ARB2A: variants seen among roughly 807,000 people sequenced by gnomAD.
The protein encoded by ARB2A is cotranscriptional regulator ARB2A.
the ARB2A span, among the ~76,000 whole-genome samples, chr5:94,024,171 T>C: frequency 6.6e-6 from 1 of 152,190 alleles, no homozygotes; most frequent in Non-Finnish European, 1.5e-5. Flanking sequence ...CTATTTTGGA[T>C]GTTTCTGTGA....
At chr5:93,696,722 C>T in the ARB2A span, among the ~76,000 whole-genome samples, 1 of 152,062 alleles carries the variant, frequency 6.6e-6, no homozygotes, top group East Asian at 1.9e-4. Context: ...ACCACAATGC[C>T]TGCCACATTC....
chr5:94,042,984 A>G, the ARB2A span, among the ~76,000 whole-genome samples: 182 of 152,118 alleles, frequency 1.2e-3, 1 homozygote, highest in Non-Finnish European at 2.2e-3. Context: ...TTCTTTGTCA[A>G]TCGTGTTTTT....
the ARB2A span, among the ~76,000 whole-genome samples, chr5:93,901,284 T>C: frequency 6.6e-6 from 1 of 152,118 alleles, no homozygotes; most frequent in Non-Finnish European, 1.5e-5. Flanking sequence ...AATGGCAAGA[T>C]TGAATCTACA....
At chr5:93,799,151 A>G in the ARB2A span, among the ~76,000 whole-genome samples, 1 of 152,254 alleles carries the variant, frequency 6.6e-6, no homozygotes, top group African/African-American at 2.4e-5. Context: ...TATGTTTTTT[A>G]GAGAACACTT....
chr5:94,055,274 T>C, the ARB2A span, among the ~76,000 whole-genome samples: 2 of 152,186 alleles, frequency 1.3e-5, no homozygotes, highest in Non-Finnish European at 2.9e-5. Context: ...ACAAACACTC[T>C]TAGAATATGT....
the ARB2A span, among the ~76,000 whole-genome samples, chr5:94,001,432 T>C: frequency 6.6e-6 from 1 of 152,184 alleles, no homozygotes. Context: ...TTCTCTCTCT[T>C]CCGTCTGTTT....
At chr5:93,845,025 G>A in the ARB2A span, among the ~76,000 whole-genome samples, 1 of 152,168 alleles carries the variant, frequency 6.6e-6, no homozygotes, top group East Asian at 1.9e-4. Flanking sequence ...ATACAGAGCA[G>A]AAAACTCCCT....
the ARB2A span, among the ~76,000 whole-genome samples, chr5:93,775,459 GTCACTC>G: frequency 2.0e-5 from 3 of 152,184 alleles, no homozygotes; most frequent in African/African-American, 7.2e-5. Context: ...GCTAACAAAT[GTCACTC>G]TCTCTTCTTA....
chr5:94,052,589 T>G, the ARB2A span, among the ~76,000 whole-genome samples: 2 of 152,180 alleles, frequency 1.3e-5, no homozygotes, highest in Non-Finnish European at 2.9e-5. Context: ...GATTCTCTGT[T>G]CCAGAAACAT....
chr5:93,897,743 G>A, the ARB2A span, among the ~76,000 whole-genome samples: 14 of 151,846 alleles, frequency 9.2e-5, no homozygotes, highest in African/African-American at 3.4e-4. Context: ...ATTTGGGGGA[G>A]AGACTACTTG....
chr5:93,767,724 T>C, the ARB2A span, among the ~76,000 whole-genome samples: 2 of 151,876 alleles, frequency 1.3e-5, no homozygotes, highest in Non-Finnish European at 2.9e-5. Flanking sequence ...GCCGGGCACG[T>C]TGGCTCACGT....
the ARB2A span, among the ~76,000 whole-genome samples, chr5:93,780,167 G>C: frequency 6.6e-6 from 1 of 152,138 alleles, no homozygotes; most frequent in Non-Finnish European, 1.5e-5. Context: ...AATGTGAAAG[G>C]TTTTGTGTCC....
At chr5:93,877,965 C>A in the ARB2A span, among the ~76,000 whole-genome samples, 1 of 151,996 alleles carries the variant, frequency 6.6e-6, no homozygotes, top group Non-Finnish European at 1.5e-5. Context: ...CCATTTTCAT[C>A]CATAATTTTA....
chr5:93,641,863 G>A, the ARB2A span, among the ~76,000 whole-genome samples: 1 of 152,094 alleles, frequency 6.6e-6, no homozygotes, highest in South Asian at 2.1e-4. Flanking sequence ...ATACATTATA[G>A]TAGGAAAAAA....
the ARB2A span, among the ~76,000 whole-genome samples, chr5:94,088,506 C>T: frequency 1.3e-5 from 2 of 151,992 alleles, no homozygotes; most frequent in Non-Finnish European, 2.9e-5. Context: ...CATAGCAAGA[C>T]GGTATCTCTA....
At chr5:93,672,240 A>G in the ARB2A span, among the ~76,000 whole-genome samples, 1 of 152,230 alleles carries the variant, frequency 6.6e-6, no homozygotes, top group East Asian at 1.9e-4. Context: ...AATAATATTA[A>G]CTAAAGGGTT....
chr5:93,676,274 C>T, the ARB2A span, among the ~76,000 whole-genome samples: 2 of 151,818 alleles, frequency 1.3e-5, no homozygotes, highest in African/African-American at 2.4e-5. Context: ...CATTACAGCA[C>T]CTGTTCCCCT....
chr5:93,988,491 T>C, the ARB2A span, among the ~76,000 whole-genome samples: 5 of 152,202 alleles, frequency 3.3e-5, no homozygotes, highest in Non-Finnish European at 1.5e-5. Flanking sequence ...TTGCTTACGT[T>C]AACATCTCCC....
the ARB2A span, among the ~76,000 whole-genome samples, chr5:93,910,336 G>C: frequency 3.3e-5 from 5 of 150,614 alleles, no homozygotes; most frequent in African/African-American, 1.2e-4. Context: ...AGAATATAAA[G>C]ACCAAAATGC....
Sources: gnomAD v4.1 joint callset for allele counts (sites outside exome capture counted in the v4.1 genomes callset) on GRCh38, gnomAD v4.1.1 for gene constraint, MANE v1.5 for transcripts, NCBI Gene and HGNC (gene_info 2026-07-23, HGNC 2026-07-21) for gene names.